The following PTPRJ variants were observed in gnomAD, a reference collection of about 807,000 sequenced individuals.
The protein encoded by PTPRJ is receptor-type tyrosine-protein phosphatase eta.
A neutral mutation model predicts 141.3 loss-of-function variants in PTPRJ; 129 were observed. The ratio of observed to expected loss-of-function variants is 0.91; its 90% CI spans 0.79 to 1.06. The LOEUF (loss-of-function observed/expected upper bound fraction) is 1.06, where lower values mean the gene tolerates loss of function less well. Ranked by LOEUF, PTPRJ falls within the 50% of genes least tolerant of loss-of-function variation. The pLI, the probability that PTPRJ is intolerant of heterozygous loss-of-function variation, is 0.00. For synonymous variants in PTPRJ, 610 were observed against 640.5 expected (o/e 0.95, Z 0.72); for missense variants, 1,601 against 1,679.7 (o/e 0.95, Z 0.82).
intron 1 of PTPRJ, among the ~76,000 whole-genome samples, chr11:47,984,400 C>A (rs893738162): frequency 1.3e-5 from 2 of 152,094 alleles, no homozygotes; most frequent in Admixed American, 1.3e-4. Context: ...GGATAAGAGG[C>A]AATTTTCTGT....
intron 1 of PTPRJ, among the ~76,000 whole-genome samples, chr11:48,025,404 A>G (rs1853780577): frequency 6.6e-6 from 1 of 152,168 alleles, no homozygotes; most frequent in Non-Finnish European, 1.5e-5. Flanking sequence ...ATTCAACTAT[A>G]AAATCATGCC....
At chr11:48,143,800 C>T (rs1310288690) in intron 12 of PTPRJ, among the ~76,000 whole-genome samples, 14 of 127,672 alleles carry the variant, frequency 1.1e-4, no homozygotes, top group African/African-American at 4.1e-4. Flanking sequence ...TCCCCCTCCC[C>T]TCTCCTCCTC....
intron 6 of PTPRJ, among the ~76,000 whole-genome samples, chr11:48,126,392 G>A (rs906841970): frequency 1.3e-5 from 2 of 152,054 alleles, no homozygotes; most frequent in African/African-American, 4.8e-5. Flanking sequence ...TCTATAAGGG[G>A]CGAGTGTGTG....
At chr11:48,028,025 G>A (rs1013445031) in intron 1 of PTPRJ, among the ~76,000 whole-genome samples, 1 of 152,044 alleles carries the variant, frequency 6.6e-6, no homozygotes, top group Non-Finnish European at 1.5e-5. Flanking sequence ...GAAAGAAAAA[G>A]GCATCCAGTG....
At chr11:48,104,286 T>G (rs561616060) in intron 1 of PTPRJ, among the ~76,000 whole-genome samples, 1 of 152,210 alleles carries the variant, frequency 6.6e-6, no homozygotes, top group Non-Finnish European at 1.5e-5. Context: ...CCTGTCATTT[T>G]AATGATTTAC....
At chr11:48,095,165 A>G (rs1651043731) in intron 1 of PTPRJ, among the ~76,000 whole-genome samples, 4 of 152,158 alleles carry the variant, frequency 2.6e-5, no homozygotes, top group Admixed American at 2.6e-4. Flanking sequence ...GGAACAGGGG[A>G]TTATTTGAGC....
chr11:48,117,540 CAAAAAAAAAAAAAAAAAAA>C (rs71045545), intron 3 of PTPRJ, among the ~76,000 whole-genome samples: 5 of 19,674 alleles, frequency 2.5e-4, no homozygotes, highest in African/African-American at 7.3e-4. Context: ...GATTCTGTCT[CAAAAAAAAAAAAAAAAAAA>C]AAAAAAAAAA....
chr11:48,081,040 A>C (rs1855543931), intron 1 of PTPRJ, among the ~76,000 whole-genome samples: 1 of 152,162 alleles, frequency 6.6e-6, no homozygotes, highest in African/African-American at 2.4e-5. Flanking sequence ...CCTGAGCCCT[A>C]CTCCTGGTGA....
Position 48,144,747 on chromosome 11 carries a change from T to C in PTPRJ, c.2648T>C (p.Val883Ala). 1.2e-6 allele frequency: 2 copies of C among 1,614,116 alleles called. No homozygotes were observed. Among genetic ancestry groups the C allele is most frequent in the Non-Finnish European group, 1.7e-6 (2 of 1,179,940 alleles). ...DFKKGASDTY[V>A]TYLIRTEEKG... ...AAAAAGGGAGCCTCAGATACTTATG[T>C]GACATACCTCATAAGAACAGAAGAA... Residue 883 changes from valine (V) to alanine (A), a missense_variant, in exon 13 of 25, where the codon GTG (valine) becomes GCG (alanine). Transcript: ENST00000418331.
intron 15 of PTPRJ, among the ~76,000 whole-genome samples, chr11:48,147,204 A>T (rs1857374177): frequency 6.6e-6 from 1 of 152,206 alleles, no homozygotes; most frequent in African/African-American, 2.4e-5. Context: ...TGCTACTTTC[A>T]AATGATATGT....
intron 1 of PTPRJ, among the ~76,000 whole-genome samples, chr11:48,041,547 T>G (rs2134236662): frequency 6.6e-6 from 1 of 152,338 alleles, no homozygotes. Flanking sequence ...CTTCTGAGCA[T>G]TATGAGGCAC....
intron 1 of PTPRJ, among the ~76,000 whole-genome samples, chr11:48,063,944 G>GTT (rs968463261): frequency 1.3e-5 from 2 of 150,672 alleles, no homozygotes; most frequent in African/African-American, 2.5e-5. Context: ...GTGTGTGTGT[G>GTT]TTTTTAAAAA....
chr11:47,999,148 C>T (rs1469851964), intron 1 of PTPRJ, among the ~76,000 whole-genome samples: 1 of 152,208 alleles, frequency 6.6e-6, no homozygotes. Flanking sequence ...ATTCTCAGAT[C>T]ACTTGGGATG....
At chr11:48,013,423 A>T (rs974185609) in intron 1 of PTPRJ, among the ~76,000 whole-genome samples, 5 of 152,160 alleles carry the variant, frequency 3.3e-5, no homozygotes, top group African/African-American at 1.2e-4. Flanking sequence ...GACTCAGATG[A>T]CTGAATGGTC....
intron 1 of PTPRJ, among the ~76,000 whole-genome samples, chr11:47,991,241 A>G (rs1258948948): frequency 6.6e-6 from 1 of 152,134 alleles, no homozygotes; most frequent in Non-Finnish European, 1.5e-5. Flanking sequence ...GTCTATTCCT[A>G]GCCCCGAAGG....
chr11:48,029,194 G>A (rs1478392019), intron 1 of PTPRJ, among the ~76,000 whole-genome samples: 1 of 152,164 alleles, frequency 6.6e-6, no homozygotes, highest in African/African-American at 2.4e-5. Flanking sequence ...GAGGATGTGG[G>A]CTCATCTTCT....
At chr11:48,055,637 C>T (rs1334627595) in intron 1 of PTPRJ, among the ~76,000 whole-genome samples, 1 of 152,212 alleles carries the variant, frequency 6.6e-6, no homozygotes, top group Non-Finnish European at 1.5e-5. Context: ...CCAAGGCATA[C>T]TGACAGACAT....
At chr11:48,104,409 C>G (rs1277226773) in intron 1 of PTPRJ, among the ~76,000 whole-genome samples, 1 of 152,190 alleles carries the variant, frequency 6.6e-6, no homozygotes, top group Non-Finnish European at 1.5e-5. Flanking sequence ...TGCTCCAAAT[C>G]CCATAAACTG....
intron 1 of PTPRJ, among the ~76,000 whole-genome samples, chr11:48,032,813 G>A (rs934597687): frequency 1.3e-4 from 20 of 152,250 alleles, no homozygotes; most frequent in Admixed American, 1.3e-4. Flanking sequence ...TTCATTCAGC[G>A]TGCACAATTT....
Sources: allele counts gnomAD v4.1 joint callset (sites outside exome capture counted in the v4.1 genomes callset), GRCh38; gene constraint gnomAD v4.1.1; transcripts MANE v1.5; gene names NCBI Gene and HGNC (gene_info 2026-07-23, HGNC 2026-07-21).